ARHGEF28: variants seen among roughly 807,000 people sequenced by gnomAD.
The protein encoded by ARHGEF28 is Rho guanine nucleotide exchange factor 28.
A neutral mutation model predicts 206.6 loss-of-function variants in ARHGEF28; 152 were observed. The observed-to-expected ratio is 0.74, with a 90% CI of 0.64 to 0.84. The LOEUF (loss-of-function observed/expected upper bound fraction) is 0.84. Among genes scored for constraint, ARHGEF28 ranks in the 40% least tolerant of loss-of-function variants. ARHGEF28 has a pLI of 0.00. For missense variants in ARHGEF28, 2,028 were observed against 2,073.2 expected (o/e 0.98, Z 0.42); for synonymous variants, 763 against 776.4 (o/e 0.98, Z 0.29).
chr5:73,913,767 A>G (rs1164113888), intron 35 of ARHGEF28, among the ~76,000 whole-genome samples: 2 of 152,184 alleles, frequency 1.3e-5, no homozygotes, highest in African/African-American at 4.8e-5. Context: ...GTTCACTGTA[A>G]TCTGGCTAAC....
chr5:73,888,025 A>T (rs187111597), intron 26 of ARHGEF28, among the ~76,000 whole-genome samples: 134 of 151,362 alleles, frequency 8.9e-4, no homozygotes, highest in South Asian at 2.5e-3. Context: ...TTTCCTCCAG[A>T]CTCCTCTCTT....
At chr5:73,876,851 G>C (rs1370697627) in intron 22 of ARHGEF28, among the ~76,000 whole-genome samples, 1 of 147,860 alleles carries the variant, frequency 6.8e-6, no homozygotes, top group Non-Finnish European at 1.5e-5. Flanking sequence ...TTTTGCATCA[G>C]TGTTCATCAT....
intron 9 of ARHGEF28, among the ~76,000 whole-genome samples, chr5:73,805,906 A>C (rs1755407127): frequency 6.6e-6 from 1 of 152,086 alleles, no homozygotes; most frequent in South Asian, 2.1e-4. Flanking sequence ...ATCATATTTT[A>C]TGTGAATTTT....
At chr5:73,814,474 G>C (rs904955571) in intron 9 of ARHGEF28, among the ~76,000 whole-genome samples, 1 of 151,722 alleles carries the variant, frequency 6.6e-6, no homozygotes, top group Non-Finnish European at 1.5e-5. Context: ...CCCATCCTCG[G>C]CTGGGCTTAG....
chr5:73,649,272 G>A (rs1580439187), intron 1 of ARHGEF28, among the ~76,000 whole-genome samples: 1 of 152,276 alleles, frequency 6.6e-6, no homozygotes, highest in East Asian at 1.9e-4. Flanking sequence ...TTGTGGTGGA[G>A]GGTGAGTAGG....
chr5:73,831,023 A>G (rs1757265548), intron 9 of ARHGEF28, among the ~76,000 whole-genome samples: 1 of 152,194 alleles, frequency 6.6e-6, no homozygotes, highest in Non-Finnish European at 1.5e-5. Context: ...ATTTAAACAT[A>G]CTGAAAATCT....
intron 3 of ARHGEF28, among the ~76,000 whole-genome samples, chr5:73,751,339 G>A (rs1279662475): frequency 6.6e-6 from 1 of 152,234 alleles, no homozygotes; most frequent in Non-Finnish European, 1.5e-5. Flanking sequence ...GAACCTGGGA[G>A]ACAGAGGTTG....
At chr5:73,915,600 A>G (rs1200764551) in intron 35 of ARHGEF28, among the ~76,000 whole-genome samples, 4 of 152,226 alleles carry the variant, frequency 2.6e-5, no homozygotes, top group African/African-American at 2.4e-5. Context: ...AATCGGCCCT[A>G]TGAGATGCTC....
intron 13 of ARHGEF28, among the ~76,000 whole-genome samples, chr5:73,849,749 G>A (rs1262537766): frequency 6.6e-6 from 1 of 151,770 alleles, no homozygotes; most frequent in Non-Finnish European, 1.5e-5. Context: ...AGCTCCCCTT[G>A]TATCCTCTCT....
Position 73,887,617 on chromosome 5 carries a change from C to T in ARHGEF28, c.3325C>T (p.Leu1109Phe). ...TTTCTTTAAAGATATCCTAGCTCTACTTCTAACTGATGTGCTGCTCTTTTT... is the reference window on the plus strand; with the variant it reads ...TTTCTTTAAAGATATCCTAGCTCTATTTCTAACTGATGTGCTGCTCTTTTT... Reference protein sequence around the residue: ...TGRFKDILALLLTDVLLFLQE... With the variant: ...TGRFKDILALFLTDVLLFLQE... Residue 1109 changes from leucine (L) to phenylalanine (F), a missense_variant, in exon 26 of 36, where the codon CTT becomes TTT. Transcript: ENST00000513042. 5 of 1,568,540 alleles carry T rather than the reference C, an allele frequency of 3.2e-6. No individual in the cohort carries two copies. Among genetic ancestry groups the T allele is most frequent in the Non-Finnish European group, 4.3e-6 (5 of 1,155,332 alleles).
intron 1 of ARHGEF28, among the ~76,000 whole-genome samples, chr5:73,684,193 C>T (rs56989520): frequency 0.061 from 9,336 of 152,200 alleles, 950 homozygotes; most frequent in African/African-American, 0.21. Flanking sequence ...CCTTATCTTC[C>T]CAAACTGAAA....
chr5:73,785,135 G>A (rs1313435309), intron 7 of ARHGEF28, among the ~76,000 whole-genome samples: 2 of 152,154 alleles, frequency 1.3e-5, no homozygotes, highest in African/African-American at 4.8e-5. Flanking sequence ...GAAGTCAACG[G>A]CAGGTAATCA....
Position 73,666,731 on chromosome 5 carries a change from T to C in ARHGEF28, c.-11-18110T>C, listed in dbSNP as rs116487779. Reference sequence around the variant, plus strand: ...TGACAGACTGGAAAGGGAAGCCACCTGCCAGAAGCCCAAAACAGATACTTT... The same window carrying C: ...TGACAGACTGGAAAGGGAAGCCACCCGCCAGAAGCCCAAAACAGATACTTT... On this transcript the variant is annotated intron_variant, in intron 1 of 35. Transcript: ENST00000513042. Among the ~76,000 whole-genome samples the C allele has an allele frequency of 3.5e-3, 532 of 152,286 alleles. 1 individual carries two copies. The highest frequency in any genetic ancestry group is 6.3e-3 in the Non-Finnish European group (430 of 68,026).
intron 30 of ARHGEF28, chr5:73,900,182 C>A (rs1762179523): frequency 6.6e-6 from 1 of 152,128 alleles, no homozygotes; most frequent in South Asian, 2.1e-4. Flanking sequence ...TCCTAGAGGA[C>A]TCTCATTTTC....
At chr5:73,709,120 A>T (rs2112304131) in intron 2 of ARHGEF28, among the ~76,000 whole-genome samples, 1 of 152,276 alleles carries the variant, frequency 6.6e-6, no homozygotes, top group South Asian at 2.1e-4. Flanking sequence ...TGCTTCTGTC[A>T]TACGTTTGTA....
chr5:73,811,270 T>C (rs1172474108), intron 9 of ARHGEF28, among the ~76,000 whole-genome samples: 2 of 152,226 alleles, frequency 1.3e-5, no homozygotes, highest in Non-Finnish European at 2.9e-5. Flanking sequence ...GTCTGCAGCC[T>C]CAGAACAATG....
At chr5:73,699,302 C>T (rs1748435602) in intron 2 of ARHGEF28, among the ~76,000 whole-genome samples, 1 of 151,758 alleles carries the variant, frequency 6.6e-6, no homozygotes, top group African/African-American at 2.4e-5. Flanking sequence ...TAGCAAGGTT[C>T]CATGTTTCCC....
chr5:73,667,008 T>C (rs1745999725), intron 1 of ARHGEF28, among the ~76,000 whole-genome samples: 1 of 150,812 alleles, frequency 6.6e-6, no homozygotes, highest in African/African-American at 2.4e-5. Context: ...GTGCATTCTC[T>C]GTAGACTGGT....
chr5:73,815,311 A>AT (rs147580975), intron 9 of ARHGEF28, among the ~76,000 whole-genome samples: 11,609 of 151,964 alleles, frequency 0.076, 776 homozygotes, highest in African/African-American at 0.17. Context: ...ATATATTGCT[A>AT]TTTTTTTGTG....
Sources: gnomAD v4.1 joint callset for allele counts (sites outside exome capture counted in the v4.1 genomes callset) on GRCh38, gnomAD v4.1.1 for gene constraint, MANE v1.5 for transcripts, NCBI Gene and HGNC (gene_info 2026-07-23, HGNC 2026-07-21) for gene names.